Variants in ERC1 observed in about 807,000 individuals in gnomAD.
ERC1 encodes ELKS/RAB6-interacting/CAST family member 1, also known as RAB6 interacting protein 2.
Under a neutral mutation model 132.0 loss-of-function variants are expected in ERC1, and 56 were observed. The ratio of observed to expected loss-of-function variants is 0.42; its 90% confidence interval spans 0.34 to 0.53. The LOEUF is 0.53. Ranked by LOEUF, ERC1 falls within the 20% of genes least tolerant of loss-of-function variation. The pLI is 0.03. For synonymous variants in ERC1, 478 were observed against 476.1 expected (o/e 1.00, Z -0.05); for missense variants, 1,202 against 1,349.9 (o/e 0.89, Z 1.72).
intron 15 of ERC1, among the ~76,000 whole-genome samples, chr12:1,296,146 G>C (rs560824654): frequency 1.1e-3 from 165 of 152,066 alleles, no homozygotes; most frequent in African/African-American, 3.8e-3. Flanking sequence ...TTGACATAGT[G>C]AGAACCTGTC....
At chr12:1,259,526 T>TC (rs2077015324) in intron 13 of ERC1, among the ~76,000 whole-genome samples, 2 of 142,178 alleles carry the variant, frequency 1.4e-5, no homozygotes, top group African/African-American at 2.6e-5. Context: ...CTTTCTTTTT[T>TC]TTTTTTTTTT....
chr12:1,077,550 T>C (rs186715179), intron 2 of ERC1, among the ~76,000 whole-genome samples: 4 of 152,296 alleles, frequency 2.6e-5, no homozygotes, highest in Admixed American at 2.6e-4. Context: ...CTGGAGTAAA[T>C]TTTAGACAAA....
chr12:1,058,946 A>G (rs1437596546), intron 2 of ERC1, among the ~76,000 whole-genome samples: 1 of 151,866 alleles, frequency 6.6e-6, no homozygotes, highest in African/African-American at 2.4e-5. Flanking sequence ...GGTCATTTTA[A>G]CAGCATTCTT....
At chr12:1,436,563 G>GC (rs1376881725) in intron 17 of ERC1, among the ~76,000 whole-genome samples, 3 of 152,122 alleles carry the variant, frequency 2.0e-5, no homozygotes, top group African/African-American at 7.2e-5. Flanking sequence ...ATACTCTTTT[G>GC]CCCCCTAGGC....
intron 2 of ERC1, among the ~76,000 whole-genome samples, chr12:1,038,552 G>T (rs1969560525): frequency 1.3e-5 from 2 of 151,916 alleles, no homozygotes; most frequent in South Asian, 2.1e-4. Context: ...GTAGAGACAG[G>T]GTTTCACCAT....
intron 12 of ERC1, among the ~76,000 whole-genome samples, chr12:1,207,743 A>T (rs1957474758): frequency 6.6e-6 from 1 of 152,232 alleles, no homozygotes; most frequent in Non-Finnish European, 1.5e-5. Flanking sequence ...GCAATTGTAG[A>T]TCACCACGGT....
intron 18 of ERC1, among the ~76,000 whole-genome samples, chr12:1,446,022 A>G (rs2093294753): frequency 6.6e-6 from 1 of 151,654 alleles, no homozygotes; most frequent in South Asian, 2.1e-4. Flanking sequence ...TGACCTAATC[A>G]CCTCCCAAAG....
intron 12 of ERC1, among the ~76,000 whole-genome samples, chr12:1,229,558 T>C (rs2074867882): frequency 6.6e-6 from 1 of 152,186 alleles, no homozygotes; most frequent in Non-Finnish European, 1.5e-5. Context: ...TTAGGGTATA[T>C]GTTTCTAGAA....
At chr12:1,213,998 T>G (rs1958136501) in intron 12 of ERC1, among the ~76,000 whole-genome samples, 1 of 152,148 alleles carries the variant, frequency 6.6e-6, no homozygotes, top group South Asian at 2.1e-4. Flanking sequence ...TTGGATATGC[T>G]GCACTTTTGG....
At chr12:1,113,999 A>C (rs1043681892) in intron 6 of ERC1, among the ~76,000 whole-genome samples, 6 of 151,990 alleles carry the variant, frequency 3.9e-5, no homozygotes, top group Non-Finnish European at 7.4e-5. Context: ...TTGTGCTTCT[A>C]AACTCTGCTT....
chr12:1,061,621 A>G (rs1937923655), intron 2 of ERC1, among the ~76,000 whole-genome samples: 1 of 152,022 alleles, frequency 6.6e-6, no homozygotes, highest in Admixed American at 6.6e-5. Flanking sequence ...CAGCAACAAC[A>G]ACAAGAACAA....
At chr12:1,192,186 C>G (rs1228665025) in intron 12 of ERC1, among the ~76,000 whole-genome samples, 2 of 152,140 alleles carry the variant, frequency 1.3e-5, no homozygotes, top group Non-Finnish European at 2.9e-5. Context: ...TTCTTTTACC[C>G]CATTTGGACC....
intron 2 of ERC1, among the ~76,000 whole-genome samples, chr12:1,048,132 G>A (rs1264710197): frequency 6.6e-6 from 1 of 152,182 alleles, no homozygotes; most frequent in African/African-American, 2.4e-5. Flanking sequence ...GTGTTGACTC[G>A]TTTGTGATGT....
chr12:1,357,674 G>A (rs768492404), intron 15 of ERC1, among the ~76,000 whole-genome samples: 5 of 152,310 alleles, frequency 3.3e-5, no homozygotes, highest in Admixed American at 2.0e-4. Flanking sequence ...GAAATTTTCT[G>A]TTCATATTAC....
At chr12:1,009,377 TG>T in intron 1 of ERC1, among the ~76,000 whole-genome samples, 1 of 152,254 alleles carries the variant, frequency 6.6e-6, no homozygotes, top group African/African-American at 2.4e-5. Flanking sequence ...GGTTTCACCG[TG>T]TTAGCCAGGA....
chr12:1,289,026 C>CT (rs565124554), intron 14 of ERC1, among the ~76,000 whole-genome samples: 6,242 of 116,758 alleles, frequency 0.053, 226 homozygotes, highest in Middle Eastern at 0.15. Context: ...GCTGTCAAGG[C>CT]TTTTTTTTTT....
rs546282338 is a variant in ERC1, at chr12:1,398,459, A to G, written c.2926-9690A>G. Among the ~76,000 whole-genome samples, 259 of 152,372 alleles carry G rather than the reference A, an allele frequency of 1.7e-3. 2 individuals are homozygous for G. Among genetic ancestry groups the G allele is most frequent in the Non-Finnish European group, 3.1e-3 (209 of 68,030 alleles). On this transcript the variant is annotated intron_variant, in intron 16 of 18. Transcript: ENST00000360905. ...ATAAAGTATAAAATCAAAGTAGTTTAGTAAACCCAGTCTTCAAGACTGAGA... is the reference window on the plus strand; with the variant it reads ...ATAAAGTATAAAATCAAAGTAGTTTGGTAAACCCAGTCTTCAAGACTGAGA...
intron 6 of ERC1, among the ~76,000 whole-genome samples, chr12:1,112,768 T>C (rs1363048855): frequency 6.6e-6 from 1 of 152,242 alleles, no homozygotes; most frequent in Non-Finnish European, 1.5e-5. Flanking sequence ...GCCACAAATG[T>C]TACTTTCTTT....
Position 1,110,320 on chromosome 12 carries a change from G to A in ERC1, c.1290G>A (p.Arg430=). The change falls in exon 5 of 19, where the codon CGG becomes CGA. Residue 430 remains arginine, a synonymous_variant. Coordinates refer to ENST00000360905, the MANE Select transcript of ERC1 (RefSeq NM_178040.4). The stretch of plus-strand genomic sequence containing the variant: ...AAATGAAGCAAATGGAAGTGTATCG[G>A]AGCCATTCTAAATTTATGAAAAATA... ...EEEMKQMEVY[R]SHSKFMKNKV... is the part of the protein sequence containing the mutation. 6.2e-7 allele frequency: 1 copy of A among 1,610,518 alleles called. No individual in the cohort carries two copies. The highest frequency in any genetic ancestry group is 8.5e-7 in the Non-Finnish European group (1 of 1,178,724).
Sources: gnomAD v4.1 joint callset for allele counts (sites outside exome capture counted in the v4.1 genomes callset) on GRCh38, gnomAD v4.1.1 for gene constraint, MANE v1.5 for transcripts, NCBI Gene and HGNC (gene_info 2026-07-23, HGNC 2026-07-21) for gene names.